SCYL2: variants seen among roughly 807,000 people sequenced by gnomAD.
The protein encoded by SCYL2 is SCY1-like protein 2.
SCYL2 carries 36 observed loss-of-function variants against 100.4 expected under a neutral mutation model. The ratio of observed to expected loss-of-function variants is 0.36; its 90% CI spans 0.27 to 0.47. The LOEUF (loss-of-function observed/expected upper bound fraction) is 0.47, where lower values mean the gene tolerates loss of function less well. Among genes scored for constraint, SCYL2 ranks in the 20% least tolerant of loss-of-function variants. The pLI is 1.00. For missense variants in SCYL2, 902 were observed against 1,083.9 expected, an observed-to-expected ratio of 0.83 and a Z score of 2.36; for synonymous variants, 330 against 359.2, an observed-to-expected ratio of 0.92 and a Z score of 0.92.
Position 100,291,410 on chromosome 12 carries a change from T to G in SCYL2, c.178-93T>G, listed in dbSNP as rs1051518884. ...AAAGTATTACAATGGTGCTAAAATTTTTATGGCATAGTTATTTGTAGATTG... is the reference window on the plus strand; with the variant it reads ...AAAGTATTACAATGGTGCTAAAATTGTTATGGCATAGTTATTTGTAGATTG... On this transcript the variant is annotated intron_variant, in intron 2 of 17. Coordinates refer to ENST00000360820, the MANE Select transcript of SCYL2 (RefSeq NM_017988.6). 11 of 852,486 alleles carry G rather than the reference T, an allele frequency of 1.3e-5. No individual in the cohort carries two copies. The South Asian group carries it at 1.3e-4, about 10-fold the overall frequency. 52.8% of individuals were successfully genotyped at this position (852,486 alleles called of 1,614,324 possible). A position where few individuals can be genotyped will look rare whatever the true frequency, so the allele number is the denominator to read the frequency against.
chr12:100,299,568 A>G (rs1276179929), intron 4 of SCYL2, among the ~76,000 whole-genome samples: 1 of 152,144 alleles, frequency 6.6e-6, no homozygotes, highest in Non-Finnish European at 1.5e-5. Context: ...CCTGCTTTCT[A>G]TCACTATGGG....
chr12:100,283,294 T>A, intron 2 of SCYL2, 147 bp downstream of exon 2: 1 of 637,958 alleles, frequency 1.6e-6, no homozygotes. Context: ...TCTTATTAAG[T>A]CATACAAAAA....
intron 1 of SCYL2, among the ~76,000 whole-genome samples, chr12:100,273,711 A>G (rs1215118289): frequency 6.6e-6 from 1 of 152,222 alleles, no homozygotes; most frequent in East Asian, 1.9e-4. Context: ...ACGTGGTATT[A>G]TAATCCCTTC....
intron 14 of SCYL2, among the ~76,000 whole-genome samples, chr12:100,335,208 A>G (rs1401430209): frequency 3.3e-5 from 5 of 152,060 alleles, no homozygotes; most frequent in Non-Finnish European, 4.4e-5. Flanking sequence ...TCTTCCTCCT[A>G]TCTAAATCTT....
chr12:100,278,734 A>G (rs1211357782), intron 1 of SCYL2, among the ~76,000 whole-genome samples: 2 of 151,120 alleles, frequency 1.3e-5, no homozygotes, highest in Non-Finnish European at 2.9e-5. Context: ...GGTTCAAGCA[A>G]TTCTTCTGCC....
intron 3 of SCYL2, among the ~76,000 whole-genome samples, chr12:100,297,600 C>T (rs1048488201): frequency 9.9e-5 from 15 of 152,190 alleles, no homozygotes; most frequent in African/African-American, 3.6e-4. Context: ...CCAGGGTCAT[C>T]TGTGGGAAAT....
At chr12:100,297,259 T>C (rs1405317360) in intron 3 of SCYL2, among the ~76,000 whole-genome samples, 1 of 152,232 alleles carries the variant, frequency 6.6e-6, no homozygotes, top group Non-Finnish European at 1.5e-5. Flanking sequence ...GGGTCTATTA[T>C]CACCATTTTA....
chr12:100,330,969 C>T (rs1952202471), intron 13 of SCYL2, among the ~76,000 whole-genome samples: 1 of 151,732 alleles, frequency 6.6e-6, no homozygotes, highest in Non-Finnish European at 1.5e-5. Context: ...CCTGGGATTA[C>T]AGGCATGAGG....
intron 3 of SCYL2, 64 bp from the exon 4 acceptor site, chr12:100,297,967 G>A: frequency 1.7e-6 from 2 of 1,202,384 alleles, no homozygotes; most frequent in Non-Finnish European, 1.2e-6. Context: ...AATATTTTAT[G>A]TATATTTGAT....
intron 4 of SCYL2, among the ~76,000 whole-genome samples, chr12:100,310,765 G>T (rs1226760608): frequency 6.6e-6 from 1 of 152,114 alleles, no homozygotes; most frequent in Non-Finnish European, 1.5e-5. Flanking sequence ...GGACATCAAA[G>T]GATTCTTTAT....
intron 1 of SCYL2, 92 bp from the exon 2 acceptor site, chr12:100,282,851 T>A: frequency 1.8e-6 from 1 of 564,834 alleles, no homozygotes; most frequent in Non-Finnish European, 3.0e-6. Context: ...GTTCACTGTT[T>A]GGGAGATCTT....
intron 2 of SCYL2, among the ~76,000 whole-genome samples, 180 bp downstream of exon 2, chr12:100,283,327 C>G (rs2096300945): frequency 6.6e-6 from 1 of 152,178 alleles, no homozygotes. Context: ...TAAACATGCT[C>G]TGAATCTCCT....
intron 5 of SCYL2, among the ~76,000 whole-genome samples, chr12:100,311,849 G>A (rs7138085): frequency 0.15 from 22,560 of 152,104 alleles, 1,887 homozygotes; most frequent in Non-Finnish European, 0.18. Context: ...AAGATCCTTG[G>A]TGATATGGCA....
At chr12:100,287,506 C>T (rs2096305673) in intron 2 of SCYL2, among the ~76,000 whole-genome samples, 1 of 152,182 alleles carries the variant, frequency 6.6e-6, no homozygotes, top group Non-Finnish European at 1.5e-5. Flanking sequence ...TCAAATGGGA[C>T]ATACACTGTA....
chr12:100,297,649 C>T (rs2096322488), intron 3 of SCYL2, among the ~76,000 whole-genome samples: 2 of 152,080 alleles, frequency 1.3e-5, no homozygotes, highest in Non-Finnish European at 2.9e-5. Context: ...AATTAACAGC[C>T]TTAATAAATA....
chr12:100,330,536 TTTG>T (rs1265442598), intron 13 of SCYL2, among the ~76,000 whole-genome samples: 1 of 152,232 alleles, frequency 6.6e-6, no homozygotes, highest in Non-Finnish European at 1.5e-5. Context: ...ACGAGTCATT[TTTG>T]TTCACAACAG....
intron 3 of SCYL2, among the ~76,000 whole-genome samples, chr12:100,294,719 CGGA>C (rs1566351687): frequency 1.5e-5 from 2 of 129,674 alleles, no homozygotes; most frequent in African/African-American, 3.4e-5. Flanking sequence ...ACCTCCCTCC[CGGA>C]CGGGGTGGCT....
intron 5 of SCYL2, among the ~76,000 whole-genome samples, chr12:100,311,562 A>G (rs143310893): frequency 4.1e-4 from 62 of 152,228 alleles, no homozygotes; most frequent in African/African-American, 1.4e-3. Context: ...TAACATTCTT[A>G]TTGAAGCACT....
chr12:100,294,069 C>T (rs1470189260), intron 3 of SCYL2, among the ~76,000 whole-genome samples: 13 of 150,086 alleles, frequency 8.7e-5, no homozygotes, highest in East Asian at 2.0e-4. Flanking sequence ...GGGTGGTGGC[C>T]GGGCAGAGGG....
Sources: allele counts gnomAD v4.1 joint callset (sites outside exome capture counted in the v4.1 genomes callset), GRCh38; gene constraint gnomAD v4.1.1; transcripts MANE v1.5; gene names NCBI Gene and HGNC (gene_info 2026-07-23, HGNC 2026-07-21).